The following MERTK variants were observed in gnomAD, a reference collection of about 807,000 sequenced individuals.
MERTK encodes the protein tyrosine-protein kinase Mer.
A neutral mutation model predicts 99.3 loss-of-function variants in MERTK; 69 were observed. That is an observed-to-expected ratio of 0.70 (90% CI 0.57 to 0.85). MERTK has a LOEUF of 0.85. Ranked by LOEUF, MERTK falls within the 40% of genes least tolerant of loss-of-function variation. The probability of loss-of-function intolerance (pLI) is 0.00; values close to 1 mark genes in which losing one functional copy is unlikely to be tolerated. For missense variants in MERTK, 1,125 were observed against 1,249.4 expected (o/e 0.90, Z 1.50); for synonymous variants, 426 against 467.6 (o/e 0.91, Z 1.15).
chr2:111,976,522 CTGTGTGTGTGTGTGTGTGTGTGTGTGTG>C (rs70962971), intron 7 of MERTK, among the ~76,000 whole-genome samples: 3 of 136,710 alleles, frequency 2.2e-5, no homozygotes, highest in African/African-American at 8.4e-5. Context: ...TGACAAAAAC[CTGTGTGTGTGTGTGTGTGTGTGTGTGTG>C]TGTGTGTGTG....
At chr2:111,965,652 T>G (rs534789810) in intron 5 of MERTK, among the ~76,000 whole-genome samples, 1 of 152,168 alleles carries the variant, frequency 6.6e-6, no homozygotes. Flanking sequence ...AACTACTCAT[T>G]AACCCTTGAA....
At chr2:111,981,881 A>G (rs1676380203) in intron 7 of MERTK, among the ~76,000 whole-genome samples, 1 of 151,968 alleles carries the variant, frequency 6.6e-6, no homozygotes, top group Non-Finnish European at 1.5e-5. Context: ...GTGCATCTCA[A>G]ATGCCACCAA....
chr2:111,954,680 A>G (rs1478885601), intron 4 of MERTK, among the ~76,000 whole-genome samples: 2 of 152,120 alleles, frequency 1.3e-5, no homozygotes, highest in Non-Finnish European at 2.9e-5. Context: ...CTCTTTTCTC[A>G]TTTATATCTC....
At chr2:111,968,639 C>T (rs149384307) in intron 6 of MERTK, among the ~76,000 whole-genome samples, 3 of 152,140 alleles carry the variant, frequency 2.0e-5, no homozygotes, top group Admixed American at 6.5e-5. Context: ...AAGCAATTCT[C>T]CTGCCTCAGC....
chr2:112,023,197 G>A (rs1267888237), intron 18 of MERTK, among the ~76,000 whole-genome samples: 1 of 152,084 alleles, frequency 6.6e-6, no homozygotes, highest in Non-Finnish European at 1.5e-5. Flanking sequence ...GGTGGATCAC[G>A]AGGTCAGGAG....
chr2:111,961,625 T>C (rs951052124), intron 4 of MERTK, among the ~76,000 whole-genome samples: 1 of 152,136 alleles, frequency 6.6e-6, no homozygotes, highest in African/African-American at 2.4e-5. Flanking sequence ...CACCGAATCA[T>C]AGGACAGAGA....
intron 8 of MERTK, among the ~76,000 whole-genome samples, chr2:111,985,991 T>C (rs149138022): frequency 1.3e-5 from 2 of 152,348 alleles, no homozygotes; most frequent in African/African-American, 4.8e-5. Context: ...TAATCATTTT[T>C]AGCCACATAT....
intron 1 of MERTK, among the ~76,000 whole-genome samples, chr2:111,909,105 CA>C (rs1173721976): frequency 6.6e-6 from 1 of 152,034 alleles, no homozygotes; most frequent in African/African-American, 2.4e-5. Flanking sequence ...ATGGCTATGT[CA>C]AAAAGGCAAA....
intron 8 of MERTK, among the ~76,000 whole-genome samples, chr2:111,989,391 C>G (rs566961064): frequency 8.8e-5 from 13 of 147,928 alleles, no homozygotes; most frequent in African/African-American, 3.3e-4. Context: ...GAGTCTCGCT[C>G]TGTCACCCAG....
At chr2:111,951,778 A>C (rs1432189899) in intron 4 of MERTK, among the ~76,000 whole-genome samples, 1 of 152,024 alleles carries the variant, frequency 6.6e-6, no homozygotes, top group East Asian at 1.9e-4. Flanking sequence ...TGGCTATGCC[A>C]ATTTACATTT....
chr2:111,944,533 A>ATTCTTTAAAATAATTCCTCT (rs1265922025), intron 2 of MERTK, among the ~76,000 whole-genome samples: 1 of 151,258 alleles, frequency 6.6e-6, no homozygotes, highest in Non-Finnish European at 1.5e-5. Context: ...TTAAGGAATT[A>ATTCTTTAAAATAATTCCTCT]GCTCACACAC....
rs539975844 is a variant in MERTK, at chr2:111,969,885, G to A, written c.960+1633G>A. Among the ~76,000 whole-genome samples, 215 of 152,098 alleles carry A rather than the reference G, an allele frequency of 1.4e-3. 2 individuals are homozygous for A. Among genetic ancestry groups the A allele is most frequent in the African/African-American group, 4.6e-3 (192 of 41,514 alleles). On this transcript the variant is annotated intron_variant, in intron 6 of 18. Transcript: ENST00000295408. ...TTTTTGTATTTTTAGTAGAGACGGGGTTTCACCGTGTTAGCCAGGATGGTC... is the reference window on the plus strand; with the variant it reads ...TTTTTGTATTTTTAGTAGAGACGGGATTTCACCGTGTTAGCCAGGATGGTC...
Position 111,898,677 on chromosome 2 carries a change from G to A in MERTK, c.-59G>A. ...GCGCGCTTGGCCGGCGACAGGACAG[G>A]TTCGGGACGTCCATCTGTCCATCCG... On this transcript the variant is annotated 5_prime_UTR_variant, in exon 1 of 19. Transcript: ENST00000295408. The A allele has an allele frequency of 1.3e-6, 2 of 1,565,930 alleles. No individual in the cohort carries two copies. The highest frequency in any genetic ancestry group is 2.3e-5 in the East Asian group (1 of 43,030).
At chr2:111,966,983 A>G (rs1032120121) in intron 5 of MERTK, among the ~76,000 whole-genome samples, 1 of 152,094 alleles carries the variant, frequency 6.6e-6, no homozygotes, top group Admixed American at 6.6e-5. Flanking sequence ...CCACAGCTCC[A>G]TGGAGCAGTG....
intron 15 of MERTK, 132 bp downstream of exon 15, chr2:112,010,198 T>C (rs528357544): frequency 1.3e-6 from 1 of 755,662 alleles, no homozygotes; most frequent in African/African-American, 1.7e-5. Flanking sequence ...GTGCTCCCTG[T>C]GTGTCCAGGG....
intron 7 of MERTK, 146 bp downstream of exon 7, chr2:111,975,618 TG>T: frequency 1.1e-6 from 1 of 879,878 alleles, no homozygotes; most frequent in African/African-American, 1.7e-5. Context: ...CTGATGAAAA[TG>T]GGAAAGATAT....
chr2:111,938,146 G>A lies in MERTK; in HGVS notation c.483-6814G>A, dbSNP rs1321528649. Among the ~76,000 whole-genome samples, 5 of 152,188 alleles carry A rather than the reference G, an allele frequency of 3.3e-5. No individual in the cohort carries two copies. The South Asian group carries it at 8.3e-4, about 25-fold the overall frequency. ...GGCTGGAGCGCAGTGGTGCGATCACGGCTTATTGCAGCCTCGACCTCCCAG... is the reference window on the plus strand; with the variant it reads ...GGCTGGAGCGCAGTGGTGCGATCACAGCTTATTGCAGCCTCGACCTCCCAG... On this transcript the variant is annotated intron_variant, in intron 2 of 18. Transcript: ENST00000295408.
At chr2:111,957,390 C>A (rs577376283) in intron 4 of MERTK, among the ~76,000 whole-genome samples, 5 of 152,210 alleles carry the variant, frequency 3.3e-5, no homozygotes, top group African/African-American at 1.2e-4. Flanking sequence ...CCCAGGCCCC[C>A]GAGTATCAAC....
At chr2:112,022,633 G>A (rs368837192) in intron 18 of MERTK, 11 of 746,802 alleles carry the variant, frequency 1.5e-5, no homozygotes, top group African/African-American at 3.4e-5. Flanking sequence ...CCTCAGTCTC[G>A]AACGACAGGC....
Sources: allele counts gnomAD v4.1 joint callset (sites outside exome capture counted in the v4.1 genomes callset), GRCh38; gene constraint gnomAD v4.1.1; transcripts MANE v1.5; gene names NCBI Gene and HGNC (gene_info 2026-07-23, HGNC 2026-07-21).